Variants in ANGPT4 observed in about 807,000 individuals in gnomAD.
The protein encoded by ANGPT4 is angiopoietin 4.
In ANGPT4, 50 loss-of-function variants were observed where a neutral mutation model predicts 53.0. That is an observed-to-expected ratio of 0.94 (90% confidence interval 0.75 to 1.20). ANGPT4 has a LOEUF of 1.20. Ranked by LOEUF, ANGPT4 falls within the 50% of genes most tolerant of loss-of-function variation. The pLI is 0.00. For missense variants in ANGPT4, 648 were observed against 637.1 expected, an observed-to-expected ratio of 1.02 and a Z score of -0.18; for synonymous variants, 251 against 259.7, an observed-to-expected ratio of 0.97 and a Z score of 0.32.
rs146955139 is a variant in ANGPT4 at position 893,032 on chromosome 20, C to T, written c.310-2664G>A. Among the ~76,000 whole-genome samples, 317 of 152,318 alleles carry T rather than the reference C, an allele frequency of 2.1e-3. 1 individual carries two copies. The highest frequency in any genetic ancestry group is 7.2e-3 in the African/African-American group (300 of 41,558). The stretch of plus-strand genomic sequence containing the variant: ...GACTCCTCCTTTACAGACTCCTACA[C>T]GGCAGGGCCCCCATGGCCCAGTCCT... On this transcript the variant is annotated intron_variant, in intron 1 of 8. Coordinates refer to ENST00000381922, the MANE Select transcript of ANGPT4 (RefSeq NM_015985.4).
At chr20:900,492 T>C (rs887608687) in intron 1 of ANGPT4, among the ~76,000 whole-genome samples, 6 of 152,222 alleles carry the variant, frequency 3.9e-5, no homozygotes, top group Admixed American at 1.3e-4. Flanking sequence ...TACCTACATG[T>C]GTCTACCTGC....
At chr20:893,133 G>T (rs1368013792) in intron 1 of ANGPT4, among the ~76,000 whole-genome samples, 1 of 152,146 alleles carries the variant, frequency 6.6e-6, no homozygotes, top group African/African-American at 2.4e-5. Context: ...CCATGAACTT[G>T]AGTGAGAAAA....
At chr20:906,673 C>T (rs1285758393) in intron 1 of ANGPT4, among the ~76,000 whole-genome samples, 1 of 152,232 alleles carries the variant, frequency 6.6e-6, no homozygotes, top group Non-Finnish European at 1.5e-5. Flanking sequence ...CCCTCCTCCT[C>T]TGCCTTGCTT....
Position 885,110 on chromosome 20 carries a change from A to G in ANGPT4, c.803T>C (p.Leu268Pro), listed in dbSNP as rs1294499125. The change falls in exon 4 of 9, where the codon CTG (leucine) becomes CCG (proline). Residue 268 changes from leucine to proline, a missense_variant. Coordinates refer to ENST00000381922, the MANE Select transcript of ANGPT4 (RefSeq NM_015985.4). ...CGAGGCGTTAGCCCTTTCTTGCACC[A>G]GGTGCCGCAACAACACCAGCAGCTG... ...LRQLLVLLRH[L>P]VQERANASAP... The G allele has an allele frequency of 2.5e-6, 4 of 1,613,492 alleles. No homozygotes were observed. The African/African-American group carries it at 5.3e-5, about 22-fold the overall frequency.
intron 4 of ANGPT4, among the ~76,000 whole-genome samples, chr20:884,190 T>C (rs571152930): frequency 6.6e-6 from 1 of 152,346 alleles, no homozygotes; most frequent in African/African-American, 2.4e-5. Flanking sequence ...TGCCCCCTGC[T>C]AGCCTCAGGC....
intron 1 of ANGPT4, among the ~76,000 whole-genome samples, chr20:915,150 G>A (rs145481199): frequency 7.9e-5 from 12 of 152,140 alleles, no homozygotes; most frequent in Non-Finnish European, 1.0e-4. Context: ...ATCGAATCAC[G>A]GGTGTCTGTC....
chr20:872,991 G>A lies in ANGPT4; in HGVS notation c.1481C>T (p.Ser494Phe), dbSNP rs201271383. Residue 494 changes from serine (S) to phenylalanine (F), a missense_variant, in exon 9 of 9, where the codon TCT becomes TTT. Transcript: ENST00000381922. ...GTCCAAAGGCCGTATCATCATGCGA[G>A]AGGCACGCAGTGAGTAGCTGGGGCC... is the stretch of plus-strand genomic sequence containing the variant. ...FKGPSYSLRASRMMIRPLDI is the reference protein window; with the variant it reads ...FKGPSYSLRAFRMMIRPLDI The A allele has an allele frequency of 1.2e-6, 2 of 1,614,094 alleles. No individual in the cohort carries two copies. The highest frequency in any genetic ancestry group is 2.2e-5 in the South Asian group (2 of 91,082).
chr20:871,888 T>A lies in ANGPT4; in HGVS notation c.*1072A>T, dbSNP rs1980955255. The A allele has an allele frequency of 6.6e-6, 1 of 152,138 alleles. No homozygotes were observed. The allele number at this position is 152,138 out of a possible 1,614,324, so 9.4% of individuals were successfully genotyped here. A position where few individuals can be genotyped will look rare whatever the true frequency, so the allele number is the denominator to read the frequency against. ...TTTTAACTGAAAGGTTATTTCCAGT[T>A]GTTTTTAGAGGTTGTTTGAGGCTGT... On this transcript the variant is annotated 3_prime_UTR_variant, in exon 9 of 9. Coordinates refer to ENST00000381922, the MANE Select transcript of ANGPT4 (RefSeq NM_015985.4).
chr20:913,907 T>G (rs1982812473), intron 1 of ANGPT4, among the ~76,000 whole-genome samples: 1 of 152,066 alleles, frequency 6.6e-6, no homozygotes, highest in Non-Finnish European at 1.5e-5. Context: ...GGAGGGTGTT[T>G]GGAGAAGAGC....
chr20:884,402 G>A (rs1039311585), intron 4 of ANGPT4, among the ~76,000 whole-genome samples: 6 of 152,200 alleles, frequency 3.9e-5, no homozygotes, highest in African/African-American at 7.2e-5. Flanking sequence ...ATTCACTGCT[G>A]TATCCCCAGC....
In ANGPT4 at chr20:871,883, C is replaced by T. The variant is rs1980955020; in HGVS notation, c.*1077G>A. On this transcript the variant is annotated 3_prime_UTR_variant, in exon 9 of 9. Coordinates refer to ENST00000381922, the MANE Select transcript of ANGPT4 (RefSeq NM_015985.4). ...ATCTGTTTTAACTGAAAGGTTATTT[C>T]CAGTTGTTTTTAGAGGTTGTTTGAG... 2 of 152,140 alleles carry T rather than the reference C, an allele frequency of 1.3e-5. No individual in the cohort carries two copies. The highest frequency in any genetic ancestry group is 1.5e-5 in the Non-Finnish European group (1 of 68,046). The allele number at this position is 152,140 out of a possible 1,614,324, so 9.4% of individuals were successfully genotyped here. A position where few individuals can be genotyped will look rare whatever the true frequency, so the allele number is the denominator to read the frequency against.
chr20:892,169 T>C (rs1031921739), intron 1 of ANGPT4, among the ~76,000 whole-genome samples: 1 of 151,774 alleles, frequency 6.6e-6, no homozygotes, highest in Non-Finnish European at 1.5e-5. Context: ...GCTTCTCCAG[T>C]TTCTCTGATC....
At chr20:875,942 C>T (rs1347934361) in intron 7 of ANGPT4, among the ~76,000 whole-genome samples, 2 of 151,916 alleles carry the variant, frequency 1.3e-5, no homozygotes, top group East Asian at 1.9e-4. Flanking sequence ...TCAGCCTGGG[C>T]AACATAGGGA....
rs1250195675 is a variant in ANGPT4 at position 911,975 on chromosome 20, G to T, written c.309+3931C>A. ...CAGCTGCTGGCTGCTCCCTAAAGGT[G>T]AGAAAGTAGTTCTCACCTGCAGTTT... On this transcript the variant is annotated intron_variant, in intron 1 of 8. Transcript: ENST00000381922. The surrounding 1 kb of genome is among the most constrained non-coding windows in gnomAD (Gnocchi z 4.9). 6.6e-6 allele frequency among the ~76,000 whole-genome samples: 1 copy of T among 152,100 alleles called. No homozygotes were observed. Among genetic ancestry groups the T allele is most frequent in the East Asian group, 1.9e-4 (1 of 5,180 alleles).
chr20:882,179 C>T (rs1243321706), intron 4 of ANGPT4, among the ~76,000 whole-genome samples: 1 of 152,158 alleles, frequency 6.6e-6, no homozygotes, highest in Non-Finnish European at 1.5e-5. Context: ...TACATGAGAT[C>T]GGGATAGTAT....
At chr20:909,860 C>T (rs1425820498) in intron 1 of ANGPT4, among the ~76,000 whole-genome samples, 1 of 152,236 alleles carries the variant, frequency 6.6e-6, no homozygotes, top group African/African-American at 2.4e-5. Context: ...CCAGACTGAG[C>T]TTCTGGAGCC....
chr20:884,313 G>GT lies in ANGPT4; in HGVS notation c.835+764dup, dbSNP rs139314191. Among the ~76,000 whole-genome samples the GT allele has an allele frequency of 5.6e-3, 846 of 152,348 alleles. 6 individuals are homozygous for GT. Among genetic ancestry groups the GT allele is most frequent in the African/African-American group, 0.019 (794 of 41,568 alleles). ...CACATATTATGCACTCAAAAACCAT[G>GT]TATTTCTTTCTCCTTCCCTTTGGGA... On this transcript the variant is annotated intron_variant, in intron 4 of 8. Transcript: ENST00000381922.
At position 914,803 on chromosome 20, in the gene ANGPT4, G is replaced by A. The variant is rs1167499228; in HGVS notation, c.309+1103C>T. On this transcript the variant is annotated intron_variant, in intron 1 of 8. Transcript: ENST00000381922. This position sits in a 1 kb window ranked among gnomAD's most constrained non-coding sequence, Gnocchi z 5.0. ...CTCATGCCCCGCCAGGGCCAAGCCT[G>A]CTTTGCACACCTCTGTAGTCAGTGC... Among the ~76,000 whole-genome samples the A allele has an allele frequency of 6.6e-6, 1 of 152,108 alleles. No homozygotes were observed. Among genetic ancestry groups the A allele is most frequent in the Non-Finnish European group, 1.5e-5 (1 of 68,012 alleles).
Position 871,856 on chromosome 20 carries a change from G to T in ANGPT4, c.*1104C>A, listed in dbSNP as rs1980953516. 1 of 152,202 alleles carries T rather than the reference G, an allele frequency of 6.6e-6. No individual in the cohort carries two copies. The highest frequency in any genetic ancestry group is 2.1e-4 in the South Asian group (1 of 4,822). The allele number at this position is 152,202 out of a possible 1,614,324, so 9.4% of individuals were successfully genotyped here. ...AGTTCTAGACCCTTCTTCAGGGATG[G>T]TATCTGTTTTAACTGAAAGGTTATT... is the stretch of plus-strand genomic sequence containing the variant. On this transcript the variant is annotated 3_prime_UTR_variant, in exon 9 of 9. Transcript: ENST00000381922.
Sources: gnomAD v4.1 joint callset for allele counts (sites outside exome capture counted in the v4.1 genomes callset) on GRCh38, gnomAD v4.1.1 for gene constraint, Gnocchi (gnomAD v3.1) non-coding constraint, MANE v1.5 for transcripts, NCBI Gene and HGNC (gene_info 2026-07-23, HGNC 2026-07-21) for gene names.